Variants in ARHGAP39 observed in about 807,000 individuals in gnomAD.
ARHGAP39 encodes the protein rho GTPase-activating protein 39.
In ARHGAP39, 44 loss-of-function variants were observed where a neutral mutation model predicts 106.9. The ratio of observed to expected loss-of-function variants is 0.41; its 90% CI spans 0.32 to 0.53. The LOEUF is 0.53. Ranked by LOEUF, ARHGAP39 falls within the 20% of genes least tolerant of loss-of-function variation. The pLI is 0.21. For synonymous variants in ARHGAP39, 768 were observed against 693.2 expected (o/e 1.11, Z -1.69); for missense variants, 1,496 against 1,577.3 (o/e 0.95, Z 0.87).
At chr8:144,660,148 G>T (rs1303147609) in intron 1 of ARHGAP39, among the ~76,000 whole-genome samples, 1 of 152,078 alleles carries the variant, frequency 6.6e-6, no homozygotes, top group Non-Finnish European at 1.5e-5. Context: ...GAATGCTCCC[G>T]TGTCTCCTCC....
At chr8:144,680,879 A>G (rs1168799522) in intron 1 of ARHGAP39, among the ~76,000 whole-genome samples, 1 of 152,208 alleles carries the variant, frequency 6.6e-6, no homozygotes, top group Non-Finnish European at 1.5e-5. Context: ...GTGCTATTTC[A>G]TGTTAACAAA....
At position 144,585,159 on chromosome 8, in the gene ARHGAP39, C is replaced by T. The variant is rs1819132004; in HGVS notation, c.81-3882G>A. Among the ~76,000 whole-genome samples the T allele has an allele frequency of 6.6e-6, 1 of 152,170 alleles. No individual in the cohort carries two copies. The highest frequency in any genetic ancestry group is 1.5e-5 in the Non-Finnish European group (1 of 68,026). On this transcript the variant is annotated intron_variant, in intron 2 of 11. Coordinates refer to ENST00000377307, the MANE Select transcript of ARHGAP39 (RefSeq NM_025251.3). The surrounding 1 kb of genome is among the most constrained non-coding windows in gnomAD (Gnocchi z 4.6). Reference sequence around the variant, plus strand: ...GTGTCCCTCTCTGCTTTCACAGGACCATTAAGGGAAACCCCACAGCAGGGA... The same window carrying T: ...GTGTCCCTCTCTGCTTTCACAGGACTATTAAGGGAAACCCCACAGCAGGGA...
chr8:144,551,572 C>T (rs542149442), intron 4 of ARHGAP39, among the ~76,000 whole-genome samples: 183 of 152,318 alleles, frequency 1.2e-3, no homozygotes, highest in Middle Eastern at 3.4e-3. Flanking sequence ...CCACGCCCCA[C>T]GGCGCCCAGA....
At chr8:144,628,555 C>T (rs1019225808) in intron 1 of ARHGAP39, among the ~76,000 whole-genome samples, 14 of 152,150 alleles carry the variant, frequency 9.2e-5, no homozygotes, top group African/African-American at 3.1e-4. Context: ...AAACCCACAA[C>T]CACAGTGGGA....
intron 1 of ARHGAP39, among the ~76,000 whole-genome samples, chr8:144,681,883 A>T (rs1203670838): frequency 6.6e-6 from 1 of 152,260 alleles, no homozygotes; most frequent in Non-Finnish European, 1.5e-5. Context: ...AGGTAAAGCT[A>T]AGATACAGAG....
intron 1 of ARHGAP39, among the ~76,000 whole-genome samples, chr8:144,636,867 A>G (rs1404187169): frequency 6.6e-6 from 1 of 152,186 alleles, no homozygotes. Context: ...CTACAAAGGA[A>G]ATCACTTTCC....
At chr8:144,668,415 T>C (rs182927967) in intron 1 of ARHGAP39, among the ~76,000 whole-genome samples, 6 of 152,220 alleles carry the variant, frequency 3.9e-5, no homozygotes, top group Admixed American at 3.3e-4. Flanking sequence ...CACTCCATCA[T>C]GGGTGGTGAC....
rs971185703 is a variant in ARHGAP39 at position 144,548,736 on chromosome 8, G to C, written c.597-247C>G. Among the ~76,000 whole-genome samples, 6 of 152,180 alleles carry C rather than the reference G, an allele frequency of 3.9e-5. No individual in the cohort carries two copies. The highest frequency in any genetic ancestry group is 2.4e-5 in the African/African-American group (1 of 41,444). ...TCTGCTCTGATCCCAGCTCCTGACCGGGCACAGGGCTGCTTCTGTAACTAG... is the reference window on the plus strand; with the variant it reads ...TCTGCTCTGATCCCAGCTCCTGACCCGGCACAGGGCTGCTTCTGTAACTAG... On this transcript the variant is annotated intron_variant, in intron 4 of 11. Coordinates refer to ENST00000377307, the MANE Select transcript of ARHGAP39 (RefSeq NM_025251.3). This position sits in a 1 kb window ranked among gnomAD's most constrained non-coding sequence, Gnocchi z 7.4.
chr8:144,649,663 G>T (rs1051317767), intron 1 of ARHGAP39, among the ~76,000 whole-genome samples: 1 of 151,398 alleles, frequency 6.6e-6, no homozygotes, highest in African/African-American at 2.4e-5. Flanking sequence ...CTAGCTACTC[G>T]GGAGGCTGAA....
intron 1 of ARHGAP39, among the ~76,000 whole-genome samples, 67 bp downstream of exon 1, chr8:144,685,619 C>G (rs1434447827): frequency 6.7e-6 from 1 of 148,852 alleles, no homozygotes; most frequent in Non-Finnish European, 1.5e-5. Context: ...CCACGGGGAC[C>G]GCAGCGCCGG....
intron 10 of ARHGAP39, 34 bp from the exon 11 acceptor site, chr8:144,530,905 TCGG>T (rs1816673948): frequency 1.9e-6 from 3 of 1,585,922 alleles, no homozygotes; most frequent in Non-Finnish European, 2.6e-6. Flanking sequence ...GCGGCCCTGC[TCGG>T]CGGGCACCCC....
chr8:144,534,140 C>T lies in ARHGAP39; in HGVS notation c.2677G>A (p.Gly893Arg), dbSNP rs1380485088. The change falls in exon 8 of 12, where the codon GGG becomes AGG. Residue 893 changes from glycine (G) to arginine (R), a missense_variant. Around this residue, in one of 4 missense-constraint regions of ARHGAP39, gnomAD observed 470 missense variants for 605.1 expected, o/e 0.78. Transcript: ENST00000377307. Reference sequence around the variant, plus strand: ...AGGCGCACCCGTACCTTCTTGGCCCCGGTCAGGGCTGCCTTCTGTAGCTTG... The same window carrying T: ...AGGCGCACCCGTACCTTCTTGGCCCTGGTCAGGGCTGCCTTCTGTAGCTTG... ...YHKLQKAALT[G>R]AKKGLKKPNV... is the part of the protein sequence containing the mutation. 3.7e-6 allele frequency: 6 copies of T among 1,612,930 alleles called. No homozygotes were observed. The highest frequency in any genetic ancestry group is 4.2e-6 in the Non-Finnish European group (5 of 1,179,772).
intron 1 of ARHGAP39, among the ~76,000 whole-genome samples, chr8:144,635,672 G>C (rs1444775715): frequency 6.6e-6 from 1 of 152,126 alleles, no homozygotes; most frequent in African/African-American, 2.4e-5. Context: ...GGAGCTGAGC[G>C]CTTACCCGGT....
chr8:144,620,193 G>A (rs1820763210), intron 1 of ARHGAP39, among the ~76,000 whole-genome samples: 1 of 149,856 alleles, frequency 6.7e-6, no homozygotes, highest in Admixed American at 6.6e-5. Context: ...GAGAGCGTGT[G>A]TGCCCGTGTG....
At chr8:144,677,489 C>G (rs1822273068) in intron 1 of ARHGAP39, among the ~76,000 whole-genome samples, 3 of 152,320 alleles carry the variant, frequency 2.0e-5, no homozygotes, top group Admixed American at 6.5e-5. Context: ...AGGATGGGTC[C>G]TACAGGTACA....
chr8:144,608,020 G>T (rs979870340), intron 1 of ARHGAP39, among the ~76,000 whole-genome samples: 2 of 151,962 alleles, frequency 1.3e-5, no homozygotes, highest in Non-Finnish European at 2.9e-5. Flanking sequence ...AGCCAGGCGT[G>T]GCAGCATGTG....
At chr8:144,590,837 T>G (rs1819365257) in intron 2 of ARHGAP39, among the ~76,000 whole-genome samples, 3 of 151,910 alleles carry the variant, frequency 2.0e-5, no homozygotes, top group Admixed American at 2.0e-4. Context: ...GCTTGTCTCC[T>G]CCTGGTCCCT....
chr8:144,580,046 C>T (rs1484320570), intron 3 of ARHGAP39, among the ~76,000 whole-genome samples: 1 of 151,916 alleles, frequency 6.6e-6, no homozygotes, highest in Non-Finnish European at 1.5e-5. Context: ...CTGTCCTGCC[C>T]GCCTGCCTCG....
At chr8:144,576,956 GGTTT>G (rs2130893422) in intron 3 of ARHGAP39, among the ~76,000 whole-genome samples, 1 of 152,276 alleles carries the variant, frequency 6.6e-6, no homozygotes, top group East Asian at 1.9e-4. Context: ...CAAACCAACA[GGTTT>G]GTTTTTCACT....
Sources: gnomAD v4.1 joint callset for allele counts (sites outside exome capture counted in the v4.1 genomes callset) on GRCh38, gnomAD v4.1.1 for gene constraint, gnomAD v4.1.1 regional missense constraint, Gnocchi (gnomAD v3.1) non-coding constraint, MANE v1.5 for transcripts, NCBI Gene and HGNC (gene_info 2026-07-23, HGNC 2026-07-21) for gene names.